Variants in LIPK observed in about 807,000 individuals in gnomAD.
LIPK encodes lipase member K.
Under a neutral mutation model 48.6 loss-of-function variants are expected in LIPK, and 32 were observed. That is an observed-to-expected ratio of 0.66 (90% CI 0.50 to 0.88). The LOEUF (loss-of-function observed/expected upper bound fraction) is 0.88. Ranked by LOEUF, LIPK falls within the 40% of genes least tolerant of loss-of-function variation. LIPK has a pLI of 0.00. For synonymous variants in LIPK, 164 were observed against 157.4 expected (o/e 1.04, Z -0.32); for missense variants, 507 against 478.5 (o/e 1.06, Z -0.56).
At chr10:88,729,260 G>GGGGGC (rs1842416739) in intron 3 of LIPK, among the ~76,000 whole-genome samples, 1 of 135,992 alleles carries the variant, frequency 7.4e-6, no homozygotes, top group Non-Finnish European at 1.6e-5. Flanking sequence ...GTTGGGGGGG[G>GGGGGC]GGGGCGGGGG....
At chr10:88,717,328 G>C (rs144183564) in intron 1 of LIPK, among the ~76,000 whole-genome samples, 121 of 152,244 alleles carry the variant, frequency 7.9e-4, no homozygotes, top group Middle Eastern at 3.4e-3. Flanking sequence ...CATAGCAGAA[G>C]ATATTCACCT....
intron 4 of LIPK, among the ~76,000 whole-genome samples, 191 bp from the exon 5 acceptor site, chr10:88,731,987 G>A (rs188294636): frequency 9.2e-5 from 14 of 152,326 alleles, no homozygotes; most frequent in African/African-American, 3.4e-4. Context: ...TCTGATTTCA[G>A]TTTCTTAAAA....
At chr10:88,724,823 C>T (rs1842302863) in intron 2 of LIPK, among the ~76,000 whole-genome samples, 175 bp downstream of exon 2, 1 of 152,138 alleles carries the variant, frequency 6.6e-6, no homozygotes. Context: ...AGATCTGACC[C>T]AAGTTGGGGC....
At chr10:88,741,123 A>C (rs1444777301) in intron 8 of LIPK, among the ~76,000 whole-genome samples, 2 of 152,176 alleles carry the variant, frequency 1.3e-5, no homozygotes, top group African/African-American at 4.8e-5. Flanking sequence ...GATTTTATTC[A>C]GTCTCACTGA....
intron 1 of LIPK, among the ~76,000 whole-genome samples, chr10:88,715,514 T>C (rs994800857): frequency 6.6e-6 from 1 of 152,120 alleles, no homozygotes; most frequent in Non-Finnish European, 1.5e-5. Flanking sequence ...TTTCAACCCA[T>C]TTTCCTTTAC....
chr10:88,712,130 ATC>A (rs1388196879), intron 1 of LIPK, among the ~76,000 whole-genome samples: 1 of 152,196 alleles, frequency 6.6e-6, no homozygotes, highest in Admixed American at 6.5e-5. Flanking sequence ...AACAAAGTAT[ATC>A]TCTCTATGTA....
chr10:88,725,691 A>G (rs1842323262), intron 2 of LIPK, among the ~76,000 whole-genome samples: 1 of 152,170 alleles, frequency 6.6e-6, no homozygotes, highest in Non-Finnish European at 1.5e-5. Context: ...GTACAATTCC[A>G]TCTCAAAGGC....
chr10:88,712,588 A>G (rs975464071), intron 1 of LIPK, among the ~76,000 whole-genome samples: 4 of 152,016 alleles, frequency 2.6e-5, no homozygotes, highest in African/African-American at 9.7e-5. Flanking sequence ...GTTCCAGATA[A>G]TGTTTTTTTT....
intron 4 of LIPK, among the ~76,000 whole-genome samples, chr10:88,731,930 C>G (rs544297772): frequency 1.3e-5 from 2 of 152,340 alleles, no homozygotes; most frequent in African/African-American, 4.8e-5. Flanking sequence ...GTGAATACGA[C>G]TAGCCTTGCA....
Position 88,752,524 on chromosome 10 carries a change from C to A in LIPK, c.968C>A (p.Pro323His). The A allele has an allele frequency of 6.5e-7, 1 of 1,543,932 alleles. No individual in the cohort carries two copies. Among genetic ancestry groups the A allele is most frequent in the East Asian group, 2.4e-5 (1 of 41,594 alleles). Residue 323 changes from proline (P) to histidine (H), a missense_variant, in exon 10 of 10, where the codon CCT becomes CAT. Transcript: ENST00000404190. ...CTCTTTTATTGTATTTAGCTTACACCTCCTTTATACAACATTACTAAGATG... is the reference window on the plus strand; with the variant it reads ...CTCTTTTATTGTATTTAGCTTACACATCCTTTATACAACATTACTAAGATG... ...QNMMHFHQLT[P>H]PLYNITKMEV...
rs750063089 is a variant in LIPK, at chr10:88,752,739, GAATATTTACAAA to G, written c.1185_1196del (p.Glu395_Asn399delinsAsp). The G allele has an allele frequency of 6.5e-7, 1 of 1,549,082 alleles. No individual in the cohort carries two copies. The highest frequency in any genetic ancestry group is 8.8e-7 in the Non-Finnish European group (1 of 1,141,682). On this transcript the variant is annotated inframe_deletion, in exon 10 of 10. Transcript: ENST00000404190. ...CCAAGACCTAATTATATTGATGGAA[GAATATTTACAAA>G]ATTAAATGCACTTTACTTTCTCTAA...
chr10:88,743,851 C>A (rs1842724001), intron 9 of LIPK, among the ~76,000 whole-genome samples: 1 of 152,150 alleles, frequency 6.6e-6, no homozygotes. Flanking sequence ...GTGCAATGGC[C>A]CATTCTTACT....
chr10:88,725,605 T>G (rs1221138495), intron 2 of LIPK, among the ~76,000 whole-genome samples: 1 of 152,246 alleles, frequency 6.6e-6, no homozygotes, highest in African/African-American at 2.4e-5. Context: ...AGCATTAATC[T>G]TTTTATCTCT....
chr10:88,740,655 C>A (rs985444364), intron 8 of LIPK, among the ~76,000 whole-genome samples: 2 of 152,092 alleles, frequency 1.3e-5, no homozygotes, highest in South Asian at 2.1e-4. Context: ...TGCGCACACA[C>A]GTGCATGCAC....
chr10:88,729,260 G>T (rs993518950), intron 3 of LIPK, among the ~76,000 whole-genome samples: 2 of 135,992 alleles, frequency 1.5e-5, no homozygotes, highest in Non-Finnish European at 3.3e-5. Context: ...GTTGGGGGGG[G>T]GGGGCGGGGG....
At chr10:88,710,732 G>C (rs1842012808) in intron 1 of LIPK, among the ~76,000 whole-genome samples, 1 of 152,172 alleles carries the variant, frequency 6.6e-6, no homozygotes, top group East Asian at 1.9e-4. Context: ...ACTACTAATG[G>C]ACATTTGTAT....
chr10:88,735,410 A>G (rs442466), intron 6 of LIPK, among the ~76,000 whole-genome samples: 33,156 of 152,208 alleles, frequency 0.22, 3,794 homozygotes, highest in East Asian at 0.37. Flanking sequence ...GGCTCAGAGA[A>G]CCTAAGCAGC....
At chr10:88,748,344 A>C (rs1171501568) in intron 9 of LIPK, among the ~76,000 whole-genome samples, 1 of 152,142 alleles carries the variant, frequency 6.6e-6, no homozygotes, top group Non-Finnish European at 1.5e-5. Context: ...ATGTACACCT[A>C]TGTAACAAAC....
At chr10:88,713,475 T>A (rs991368074) in intron 1 of LIPK, among the ~76,000 whole-genome samples, 1 of 152,150 alleles carries the variant, frequency 6.6e-6, no homozygotes, top group Non-Finnish European at 1.5e-5. Context: ...AAAATACAGT[T>A]CTGAAAGAAG....
Sources: gnomAD v4.1 joint callset for allele counts (sites outside exome capture counted in the v4.1 genomes callset) on GRCh38, gnomAD v4.1.1 for gene constraint, MANE v1.5 for transcripts, NCBI Gene and HGNC (gene_info 2026-07-23, HGNC 2026-07-21) for gene names.